DSCAML1: variants seen among roughly 807,000 people sequenced by gnomAD.
The protein encoded by DSCAML1 is cell adhesion molecule DSCAML1.
DSCAML1 carries 38 observed loss-of-function variants against 200.5 expected under a neutral mutation model. The observed-to-expected ratio is 0.19, with a 90% confidence interval of 0.15 to 0.25. DSCAML1 has a LOEUF of 0.25. Among genes scored for constraint, DSCAML1 ranks in the 10% least tolerant of loss-of-function variants. The pLI is 1.00. For missense variants in DSCAML1, 2,223 were observed against 2,858.8 expected, an observed-to-expected ratio of 0.78 and a Z score of 5.07; for synonymous variants, 1,215 against 1,165.0, an observed-to-expected ratio of 1.04 and a Z score of -0.87.
chr11:117,479,643 G>A (rs2048867643), intron 14 of DSCAML1, among the ~76,000 whole-genome samples: 1 of 152,132 alleles, frequency 6.6e-6, no homozygotes. Flanking sequence ...AGGGCTCTGG[G>A]AAGGGCTTTT....
At chr11:117,705,047 C>A (rs552586180) in intron 3 of DSCAML1, among the ~76,000 whole-genome samples, 7 of 152,088 alleles carry the variant, frequency 4.6e-5, no homozygotes, top group Admixed American at 4.6e-4. Context: ...GAGGGGGGGA[C>A]GTCTGCGGGC....
In DSCAML1 at chr11:117,518,675, G is replaced by A; in HGVS notation, c.1301C>T (p.Ala434Val). ...QFSLMCAAKGAPPPTVTWALD... is the reference protein window; with the variant it reads ...QFSLMCAAKGVPPPTVTWALD... Reference sequence around the variant, plus strand: ...GGCCCAGGTGACCGTGGGGGGCGGGGCGCCCTTGGCCGCACACATCAGTGA... The same window carrying A: ...GGCCCAGGTGACCGTGGGGGGCGGGACGCCCTTGGCCGCACACATCAGTGA... Residue 434 changes from alanine (A) to valine (V), a missense_variant, in exon 7 of 33, where the codon GCC (alanine) becomes GTC (valine). Coordinates refer to ENST00000651296, the MANE Select transcript of DSCAML1 (RefSeq NM_020693.4). The surrounding 1 kb of genome is among the most constrained non-coding windows in gnomAD (Gnocchi z 6.3). 6.2e-7 allele frequency: 1 copy of A among 1,613,296 alleles called. No homozygotes were observed. Among genetic ancestry groups the A allele is most frequent in the Non-Finnish European group, 8.5e-7 (1 of 1,179,974 alleles).
rs569214672 is a variant in DSCAML1, at chr11:117,510,874, T to C, written c.1784-5142A>G. Reference sequence around the variant, plus strand: ...GGCTCCCTTGGCTGAGGAAGTAAGGTTGTTGGCAGTGGCTTCCTTGGTGTT... The same window carrying C: ...GGCTCCCTTGGCTGAGGAAGTAAGGCTGTTGGCAGTGGCTTCCTTGGTGTT... On this transcript the variant is annotated intron_variant, in intron 8 of 32. Transcript: ENST00000651296. 5.9e-5 allele frequency among the ~76,000 whole-genome samples: 9 copies of C among 152,180 alleles called. 1 individual carries two copies. In the South Asian group the frequency reaches 1.9e-3, roughly 32 times the overall value.
chr11:117,444,715 C>T lies in DSCAML1; in HGVS notation c.3709-676G>A, dbSNP rs572890910. ...TGACAAGTTGCCAACAAAACAATAT[C>T]GGATCCCAGTGGTTTTACCAGTTGC... On this transcript the variant is annotated intron_variant, in intron 20 of 32. Coordinates refer to ENST00000651296, the MANE Select transcript of DSCAML1 (RefSeq NM_020693.4). Among the ~76,000 whole-genome samples, 59 of 152,214 alleles carry T rather than the reference C, an allele frequency of 3.9e-4. No individual in the cohort carries two copies. The Middle Eastern group carries it at 0.014, about 35-fold the overall frequency.
At chr11:117,646,032 A>G (rs977534539) in intron 3 of DSCAML1, among the ~76,000 whole-genome samples, 3 of 152,220 alleles carry the variant, frequency 2.0e-5, no homozygotes, top group Admixed American at 6.5e-5. Flanking sequence ...CGATATGGTT[A>G]GCTGAATTTT....
intron 1 of DSCAML1, among the ~76,000 whole-genome samples, chr11:117,803,357 A>G (rs7108548): frequency 2.0e-5 from 3 of 151,644 alleles, no homozygotes; most frequent in Non-Finnish European, 2.9e-5. Flanking sequence ...ACGTAAAAAA[A>G]TTTTTTTTAA....
chr11:117,440,911 ACT>A (rs371838905), intron 21 of DSCAML1, among the ~76,000 whole-genome samples: 1 of 126,778 alleles, frequency 7.9e-6, no homozygotes, highest in African/African-American at 3.3e-5. Flanking sequence ...ACAGAGCAAG[ACT>A]CTGTCTCAAA....
At chr11:117,434,406 C>T (rs1331803680) in intron 27 of DSCAML1, among the ~76,000 whole-genome samples, 1 of 152,194 alleles carries the variant, frequency 6.6e-6, no homozygotes, top group East Asian at 1.9e-4. Flanking sequence ...TTAAACCTTA[C>T]ATCCAACCAC....
At chr11:117,533,065 A>G (rs1051617348) in intron 3 of DSCAML1, among the ~76,000 whole-genome samples, 1 of 152,114 alleles carries the variant, frequency 6.6e-6, no homozygotes, top group Admixed American at 6.6e-5. Context: ...GCCTGAGCCC[A>G]GGAGGTCAAG....
intron 3 of DSCAML1, among the ~76,000 whole-genome samples, chr11:117,670,356 T>C (rs191379659): frequency 1.3e-5 from 2 of 151,894 alleles, no homozygotes; most frequent in East Asian, 3.9e-4. Flanking sequence ...CAGAACGAAA[T>C]CCACTCATTC....
chr11:117,797,238 T>TCGGCTCCC, upstream of DSCAML1: 1 of 1,459,994 alleles, frequency 6.8e-7, no homozygotes, highest in Non-Finnish European at 9.0e-7. Flanking sequence ...TCCTCCCTCC[T>TCGGCTCCC]CGGCTCCCCG....
intron 3 of DSCAML1, among the ~76,000 whole-genome samples, chr11:117,603,527 AT>A (rs2051505778): frequency 6.6e-6 from 1 of 152,222 alleles, no homozygotes; most frequent in African/African-American, 2.4e-5. Context: ...TGAAGATCAA[AT>A]GAGATAGTGG....
upstream of DSCAML1, chr11:117,797,286 C>T (rs2134081288): frequency 7.5e-6 from 10 of 1,330,928 alleles, no homozygotes; most frequent in South Asian, 2.1e-4. Flanking sequence ...GGCGGCCGCT[C>T]TCCCCGCCCC....
rs2048898586 is a variant in DSCAML1, at chr11:117,480,768, TGC to T, written c.2657-199_2657-198del. ...GGCCTGGCTTGCTCTCCTGTCTTGC[TGC>T]CATCTTGTTCTTGGCCTGGGAGAGG... is the stretch of plus-strand genomic sequence containing the variant. On this transcript the variant is annotated intron_variant, in intron 13 of 32. Coordinates refer to ENST00000651296, the MANE Select transcript of DSCAML1 (RefSeq NM_020693.4). This position sits in a 1 kb window ranked among gnomAD's most constrained non-coding sequence, Gnocchi z 4.1. 6.6e-6 allele frequency among the ~76,000 whole-genome samples: 1 copy of T among 152,120 alleles called. No homozygotes were observed. Among genetic ancestry groups the T allele is most frequent in the Non-Finnish European group, 1.5e-5 (1 of 67,992 alleles).
At chr11:117,470,657 T>C (rs2048667806) in intron 15 of DSCAML1, among the ~76,000 whole-genome samples, 1 of 152,202 alleles carries the variant, frequency 6.6e-6, no homozygotes, top group African/African-American at 2.4e-5. Flanking sequence ...GAGAAACTCA[T>C]GAACCGGTAC....
intron 8 of DSCAML1, among the ~76,000 whole-genome samples, chr11:117,509,415 G>A (rs142706784): frequency 1.3e-4 from 20 of 152,270 alleles, no homozygotes; most frequent in East Asian, 3.9e-4. Flanking sequence ...GGCTGGTCCC[G>A]CGCTCCCAGA....
At chr11:117,465,880 T>A (rs2048570477) in intron 16 of DSCAML1, among the ~76,000 whole-genome samples, 1 of 152,010 alleles carries the variant, frequency 6.6e-6, no homozygotes, top group Admixed American at 6.6e-5. Context: ...TTAGTTTGAA[T>A]AAAAAGAAAG....
chr11:117,685,754 T>A (rs1359684650), intron 3 of DSCAML1, among the ~76,000 whole-genome samples: 2 of 152,132 alleles, frequency 1.3e-5, no homozygotes, highest in Non-Finnish European at 2.9e-5. Context: ...CCCTGCCTGG[T>A]CCCAGGGGTG....
intron 3 of DSCAML1, among the ~76,000 whole-genome samples, chr11:117,638,315 AGT>A (rs59327038): frequency 0.19 from 25,167 of 134,782 alleles, 2,242 homozygotes; most frequent in Admixed American, 0.22. Context: ...CAAGATAGCA[AGT>A]GTGTGTGTGT....
Sources: gnomAD v4.1 joint callset for allele counts (sites outside exome capture counted in the v4.1 genomes callset) on GRCh38, gnomAD v4.1.1 for gene constraint, Gnocchi (gnomAD v3.1) non-coding constraint, MANE v1.5 for transcripts, NCBI Gene and HGNC (gene_info 2026-07-23, HGNC 2026-07-21) for gene names.